Variants in MEF2A observed in about 807,000 individuals in gnomAD.
The protein encoded by MEF2A is myocyte-specific enhancer factor 2A.
Under a neutral mutation model 55.8 loss-of-function variants are expected in MEF2A, and 28 were observed. The ratio of observed to expected loss-of-function variants is 0.50; its 90% confidence interval spans 0.37 to 0.69. MEF2A has a LOEUF of 0.69. Ranked by LOEUF, MEF2A falls within the 30% of genes least tolerant of loss-of-function variation. The pLI is 0.00. For missense variants in MEF2A, 528 were observed against 626.2 expected (o/e 0.84, Z 1.67); for synonymous variants, 239 against 227.1 (o/e 1.05, Z -0.47).
chr15:99,616,005 CTG>C (rs1257503789), intron 2 of MEF2A, among the ~76,000 whole-genome samples: 4 of 152,024 alleles, frequency 2.6e-5, no homozygotes, highest in Non-Finnish European at 4.4e-5. Flanking sequence ...AAAATAAAAA[CTG>C]TGTTGACTTA....
chr15:99,703,974 AAAAC>A (rs1197303869), intron 9 of MEF2A, among the ~76,000 whole-genome samples: 1 of 152,210 alleles, frequency 6.6e-6, no homozygotes, highest in East Asian at 1.9e-4. Flanking sequence ...CCCTTTTTCC[AAAAC>A]AAACGTTTTC....
At chr15:99,615,449 G>A (rs1451447850) in intron 2 of MEF2A, among the ~76,000 whole-genome samples, 1 of 152,036 alleles carries the variant, frequency 6.6e-6, no homozygotes, top group African/African-American at 2.4e-5. Context: ...ATTAAGTAAC[G>A]GTAATAATAA....
At chr15:99,567,917 A>T (rs561863876) in intron 1 of MEF2A, among the ~76,000 whole-genome samples, 1 of 152,318 alleles carries the variant, frequency 6.6e-6, no homozygotes, top group East Asian at 1.9e-4. Context: ...TGTTACAATA[A>T]TCAAAAGTAC....
chr15:99,641,441 C>T (rs182327467), intron 3 of MEF2A, among the ~76,000 whole-genome samples: 13 of 152,160 alleles, frequency 8.5e-5, no homozygotes, highest in African/African-American at 2.6e-4. Context: ...TTTGTCTTCT[C>T]GGCCGGGCGC....
At position 99,712,322 on chromosome 15, in the gene MEF2A, T is replaced by C. The variant is rs1451213458; in HGVS notation, c.1137-68T>C. 1.4e-5 allele frequency: 21 copies of C among 1,470,062 alleles called. No individual in the cohort carries two copies. The highest frequency in any genetic ancestry group is 7.0e-5 in the African/African-American group (5 of 71,002). 91.1% of individuals were successfully genotyped at this position (1,470,062 alleles called of 1,614,324 possible). On this transcript the variant is annotated intron_variant, in intron 11 of 11. Coordinates refer to ENST00000557942, the MANE Select transcript of MEF2A (RefSeq NM_001319206.4). The surrounding 1 kb of genome is among the most constrained non-coding windows in gnomAD (Gnocchi z 4.1). Reference sequence around the variant, plus strand: ...GCCCTTTTCCATCAGGCAGTGTCTCTACTGTATCATCCCAGTTTTGCAGAG... The same window carrying C: ...GCCCTTTTCCATCAGGCAGTGTCTCCACTGTATCATCCCAGTTTTGCAGAG...
At chr15:99,687,117 C>A (rs1265734678) in intron 7 of MEF2A, among the ~76,000 whole-genome samples, 4 of 89,122 alleles carry the variant, frequency 4.5e-5, no homozygotes, top group Non-Finnish European at 6.4e-5. Flanking sequence ...TTTGTAGAGA[C>A]GGGGTTTCAC....
intron 2 of MEF2A, among the ~76,000 whole-genome samples, chr15:99,608,290 A>T (rs771919972): frequency 2.0e-5 from 3 of 152,226 alleles, no homozygotes; most frequent in Non-Finnish European, 4.4e-5. Flanking sequence ...AGGTACTTGC[A>T]CTATATTTGC....
chr15:99,621,327 T>C (rs1256707727), intron 2 of MEF2A, among the ~76,000 whole-genome samples: 1 of 149,768 alleles, frequency 6.7e-6, no homozygotes, highest in Non-Finnish European at 1.5e-5. Context: ...ATATTCACTC[T>C]TTTGATTGTG....
chr15:99,614,976 A>C (rs575579153), intron 2 of MEF2A, among the ~76,000 whole-genome samples: 1 of 152,230 alleles, frequency 6.6e-6, no homozygotes, highest in African/African-American at 2.4e-5. Context: ...TGGGCTTTTA[A>C]GAACAGTGAT....
At chr15:99,673,580 A>G (rs1432338465) in intron 5 of MEF2A, among the ~76,000 whole-genome samples, 2 of 152,216 alleles carry the variant, frequency 1.3e-5, no homozygotes, top group Non-Finnish European at 2.9e-5. Flanking sequence ...TGTAAAGAGC[A>G]ACATATATTT....
At chr15:99,579,615 C>T (rs1447395019) in intron 1 of MEF2A, among the ~76,000 whole-genome samples, 2 of 152,264 alleles carry the variant, frequency 1.3e-5, no homozygotes, top group African/African-American at 2.4e-5. Flanking sequence ...AGCCTGGTCT[C>T]GGACTCCCGG....
chr15:99,572,695 C>CT (rs1394997575), intron 1 of MEF2A, among the ~76,000 whole-genome samples: 2 of 152,170 alleles, frequency 1.3e-5, no homozygotes, highest in African/African-American at 4.8e-5. Context: ...ACTACTTATC[C>CT]TTTAAGTCTT....
chr15:99,587,570 C>A (rs961084614), intron 1 of MEF2A, among the ~76,000 whole-genome samples: 2 of 152,086 alleles, frequency 1.3e-5, no homozygotes, highest in Non-Finnish European at 2.9e-5. Context: ...GTGTTCAGCT[C>A]CATGAACATG....
At position 99,702,658 on chromosome 15, in the gene MEF2A, C is replaced by T. The variant is rs139340700; in HGVS notation, c.859-704C>T. On this transcript the variant is annotated intron_variant, in intron 8 of 11. Transcript: ENST00000557942. ...GGCCAGGCTGGTCTTGAACTCCTGA[C>T]GTGAGCCACCGTGCCCAGCCTTATT... 7.2e-5 allele frequency among the ~76,000 whole-genome samples: 11 copies of T among 152,200 alleles called. No homozygotes were observed. In the East Asian group the frequency reaches 1.3e-3, roughly 19 times the overall value.
chr15:99,641,338 G>A (rs2044885631), intron 3 of MEF2A, among the ~76,000 whole-genome samples: 1 of 152,160 alleles, frequency 6.6e-6, no homozygotes, highest in South Asian at 2.1e-4. Context: ...GCATCAGCAT[G>A]GCTGCCAGTT....
rs917707427 is a variant in MEF2A, at chr15:99,571,461, C to T, written c.-225+5357C>T. ...ACTATCGTTACTACTACTGCTATTG[C>T]TGTTAGTCATGGCTCACTTTATAAT... On this transcript the variant is annotated intron_variant, in intron 1 of 11. Transcript: ENST00000557942. Among the ~76,000 whole-genome samples, 4 of 152,130 alleles carry T rather than the reference C, an allele frequency of 2.6e-5. No homozygotes were observed. The East Asian group carries it at 7.7e-4, about 29-fold the overall frequency.
At chr15:99,706,016 A>T (rs965537102) in intron 9 of MEF2A, among the ~76,000 whole-genome samples, 6 of 152,120 alleles carry the variant, frequency 3.9e-5, no homozygotes, top group South Asian at 2.1e-4. Flanking sequence ...TAATAGTTGA[A>T]TTTTTTTTAT....
chr15:99,619,666 G>A (rs1168510994), intron 2 of MEF2A, among the ~76,000 whole-genome samples: 1 of 152,156 alleles, frequency 6.6e-6, no homozygotes, highest in Non-Finnish European at 1.5e-5. Flanking sequence ...TTGAAAATGT[G>A]TGTGTTAGTA....
intron 9 of MEF2A, among the ~76,000 whole-genome samples, chr15:99,704,935 T>C (rs1192270237): frequency 6.6e-6 from 1 of 152,204 alleles, no homozygotes; most frequent in Admixed American, 6.5e-5. Context: ...GAGATAAATA[T>C]ATTAGGTCCT....
Sources: allele counts gnomAD v4.1 joint callset (sites outside exome capture counted in the v4.1 genomes callset), GRCh38; gene constraint gnomAD v4.1.1; non-coding constraint Gnocchi (gnomAD v3.1); transcripts MANE v1.5; gene names NCBI Gene and HGNC (gene_info 2026-07-23, HGNC 2026-07-21).